SUSD5: variants seen among roughly 807,000 people sequenced by gnomAD.
SUSD5 encodes the protein sushi domain-containing protein 5.
A neutral mutation model predicts 29.5 loss-of-function variants in SUSD5; 33 were observed. The ratio of observed to expected loss-of-function variants is 1.12; its 90% CI spans 0.85 to 1.49. The LOEUF (loss-of-function observed/expected upper bound fraction) is 1.49, where lower values mean the gene tolerates loss of function less well. Among genes scored for constraint, SUSD5 ranks in the 40% most tolerant of loss-of-function variants. The probability of loss-of-function intolerance (pLI) is 0.00; values close to 1 mark genes in which losing one functional copy is unlikely to be tolerated. For missense variants in SUSD5, 776 were observed against 800.6 expected (o/e 0.97, Z 0.37); for synonymous variants, 308 against 325.3 (o/e 0.95, Z 0.57).
chr3:33,189,955 G>A (rs932534210), intron 3 of SUSD5, among the ~76,000 whole-genome samples: 2 of 152,116 alleles, frequency 1.3e-5, no homozygotes, highest in Non-Finnish European at 2.9e-5. Context: ...CCATCTTTGC[G>A]AAAAGTTGAC....
rs138198797 is a variant in SUSD5, at chr3:33,188,014, T to C, written c.410-12940A>G. Among the ~76,000 whole-genome samples the C allele has an allele frequency of 2.4e-3, 370 of 152,302 alleles. 4 individuals are homozygous for C. Among genetic ancestry groups the C allele is most frequent in the African/African-American group, 7.9e-3 (327 of 41,552 alleles). On this transcript the variant is annotated intron_variant, in intron 3 of 4. Coordinates refer to ENST00000309558, the MANE Select transcript of SUSD5 (RefSeq NM_015551.2). ...TCAACCATTTCAACATCAAGAGATATATCTATTATTTTTCCTTCCAAGAAA... is the reference window on the plus strand; with the variant it reads ...TCAACCATTTCAACATCAAGAGATACATCTATTATTTTTCCTTCCAAGAAA...
chr3:33,172,871 A>G (rs945252169), intron 4 of SUSD5, among the ~76,000 whole-genome samples: 5 of 152,218 alleles, frequency 3.3e-5, no homozygotes, highest in Non-Finnish European at 7.3e-5. Flanking sequence ...CGAAGTATTA[A>G]TCAGCTAATG....
At chr3:33,177,150 G>T (rs1256512096) in intron 3 of SUSD5, among the ~76,000 whole-genome samples, 5 of 152,128 alleles carry the variant, frequency 3.3e-5, no homozygotes, top group African/African-American at 1.2e-4. Flanking sequence ...ATTTTTTTGT[G>T]TCAAAAATCA....
chr3:33,159,449 TG>T (rs1472631815), intron 4 of SUSD5, among the ~76,000 whole-genome samples: 2 of 152,190 alleles, frequency 1.3e-5, no homozygotes, highest in African/African-American at 4.8e-5. Context: ...CACTTCCATC[TG>T]CCCCAGTGCT....
intron 3 of SUSD5, among the ~76,000 whole-genome samples, chr3:33,178,516 GGC>G (rs1234671593): frequency 6.7e-6 from 1 of 148,912 alleles, no homozygotes; most frequent in Non-Finnish European, 1.5e-5. Flanking sequence ...GCGTGATTTT[GGC>G]TCACTGCAGG....
chr3:33,155,272 T>C (rs2031024968), intron 4 of SUSD5, among the ~76,000 whole-genome samples: 1 of 152,218 alleles, frequency 6.6e-6, no homozygotes, highest in South Asian at 2.1e-4. Flanking sequence ...GGCAAGATAG[T>C]TGACTTGGGA....
At chr3:33,161,504 A>G (rs1263734488) in intron 4 of SUSD5, among the ~76,000 whole-genome samples, 1 of 152,210 alleles carries the variant, frequency 6.6e-6, no homozygotes, top group Non-Finnish European at 1.5e-5. Flanking sequence ...CAAAAACGAC[A>G]GTAATTTTAA....
intron 1 of SUSD5, among the ~76,000 whole-genome samples, chr3:33,218,326 G>A (rs1206131263): frequency 6.6e-6 from 1 of 152,234 alleles, no homozygotes; most frequent in Non-Finnish European, 1.5e-5. Context: ...TAGACGTTGA[G>A]AAACTGAGGG....
At chr3:33,181,653 A>G (rs935490796) in intron 3 of SUSD5, among the ~76,000 whole-genome samples, 4 of 152,144 alleles carry the variant, frequency 2.6e-5, no homozygotes, top group African/African-American at 9.7e-5. Flanking sequence ...GATCACAGGC[A>G]TGAGTTACTG....
Position 33,204,897 on chromosome 3 carries a change from T to C in SUSD5, c.409+2911A>G, listed in dbSNP as rs1394876474. On this transcript the variant is annotated intron_variant, in intron 3 of 4. Transcript: ENST00000309558. The surrounding 1 kb of genome is among the most constrained non-coding windows in gnomAD (Gnocchi z 4.5). ...ATAAAAGCAAGGAACCCACCTTTTATGCAGGTTCACCAATGTGTTTTCATT... is the reference window on the plus strand; with the variant it reads ...ATAAAAGCAAGGAACCCACCTTTTACGCAGGTTCACCAATGTGTTTTCATT... 6.6e-6 allele frequency among the ~76,000 whole-genome samples: 1 copy of C among 152,220 alleles called. No individual in the cohort carries two copies. Among genetic ancestry groups the C allele is most frequent in the Non-Finnish European group, 1.5e-5 (1 of 68,042 alleles).
chr3:33,160,770 A>G (rs759756260), intron 4 of SUSD5, among the ~76,000 whole-genome samples: 12 of 150,996 alleles, frequency 7.9e-5, no homozygotes, highest in Admixed American at 3.3e-4. Flanking sequence ...TTCAAAGAAC[A>G]GAGCAGACTG....
chr3:33,192,360 T>G (rs1407901908), intron 3 of SUSD5, among the ~76,000 whole-genome samples: 1 of 151,390 alleles, frequency 6.6e-6, no homozygotes, highest in Non-Finnish European at 1.5e-5. Flanking sequence ...CCCAAAGTGC[T>G]GGGATTACAG....
intron 1 of SUSD5, 91 bp from the exon 2 acceptor site, chr3:33,214,196 C>A: frequency 7.6e-7 from 1 of 1,318,096 alleles, no homozygotes. Context: ...CCAGTTAGAA[C>A]TGTAGTCCTT....
At chr3:33,208,779 C>T (rs2032269755) in intron 2 of SUSD5, among the ~76,000 whole-genome samples, 2 of 152,280 alleles carry the variant, frequency 1.3e-5, no homozygotes, top group Non-Finnish European at 2.9e-5. Context: ...AATAATACAA[C>T]TTGAAATACT....
At chr3:33,205,408 C>T (rs2032200042) in intron 3 of SUSD5, among the ~76,000 whole-genome samples, 1 of 151,952 alleles carries the variant, frequency 6.6e-6, no homozygotes, top group South Asian at 2.1e-4. Context: ...GTTAATTTTT[C>T]CTTGTGATTA....
chr3:33,160,782 G>T (rs941508401), intron 4 of SUSD5, among the ~76,000 whole-genome samples: 2 of 143,832 alleles, frequency 1.4e-5, no homozygotes, highest in Non-Finnish European at 3.0e-5. Flanking sequence ...AGCAGACTGA[G>T]AATTTTATAA....
At chr3:33,215,898 T>C (rs981376078) in intron 1 of SUSD5, among the ~76,000 whole-genome samples, 2 of 152,120 alleles carry the variant, frequency 1.3e-5, no homozygotes, top group Middle Eastern at 3.2e-3. Flanking sequence ...AAAAGTATGG[T>C]TGAGAATCAA....
At chr3:33,203,116 C>T (rs942893164) in intron 3 of SUSD5, among the ~76,000 whole-genome samples, 6 of 152,226 alleles carry the variant, frequency 3.9e-5, no homozygotes, top group South Asian at 2.1e-4. Context: ...TCTGCCAAGG[C>T]GCTGCACCTT....
At chr3:33,163,127 C>A (rs2031228310) in intron 4 of SUSD5, among the ~76,000 whole-genome samples, 1 of 151,962 alleles carries the variant, frequency 6.6e-6, no homozygotes, top group Admixed American at 6.5e-5. Flanking sequence ...AGGATAATTC[C>A]AATCTTATAC....
Sources: gnomAD v4.1 joint callset for allele counts (sites outside exome capture counted in the v4.1 genomes callset) on GRCh38, gnomAD v4.1.1 for gene constraint, Gnocchi (gnomAD v3.1) non-coding constraint, MANE v1.5 for transcripts, NCBI Gene and HGNC (gene_info 2026-07-23, HGNC 2026-07-21) for gene names.